The following CFAP54 variants were observed in gnomAD, a reference collection of about 807,000 sequenced individuals.
The protein encoded by CFAP54 is cilia- and flagella-associated protein 54.
CFAP54 carries 290 observed loss-of-function variants against 370.4 expected under a neutral mutation model. The ratio of observed to expected loss-of-function variants is 0.78; its 90% CI spans 0.71 to 0.86. CFAP54 has a LOEUF of 0.86. Among genes scored for constraint, CFAP54 ranks in the 40% least tolerant of loss-of-function variants. CFAP54 has a pLI of 0.00. For synonymous variants in CFAP54, 1,206 were observed against 1,236.5 expected (o/e 0.98, Z 0.52); for missense variants, 3,399 against 3,528.7 (o/e 0.96, Z 0.93).
chr12:96,764,932 A>AT (rs1958383838), intron 59 of CFAP54, 145 bp from the exon 60 acceptor site: 2 of 536,886 alleles, frequency 3.7e-6, no homozygotes, highest in Non-Finnish European at 6.0e-6. Context: ...ATCACATATT[A>AT]TTTTTTCAGG....
chr12:96,745,438 T>A (rs1401920711), intron 55 of CFAP54, among the ~76,000 whole-genome samples: 1 of 152,232 alleles, frequency 6.6e-6, no homozygotes, highest in East Asian at 1.9e-4. Flanking sequence ...TAATGATCAG[T>A]GATGTTGAGC....
At chr12:96,821,221 A>T (rs1394602984) in intron 65 of CFAP54, among the ~76,000 whole-genome samples, 1 of 152,188 alleles carries the variant, frequency 6.6e-6, no homozygotes, top group Non-Finnish European at 1.5e-5. Context: ...GTAGGTATCA[A>T]ATTCATCAAA....
At chr12:96,631,761 GATTT>G (rs1165007844) in intron 32 of CFAP54, among the ~76,000 whole-genome samples, 3 of 149,390 alleles carry the variant, frequency 2.0e-5, no homozygotes, top group African/African-American at 7.4e-5. Flanking sequence ...TTTTTTAAAT[GATTT>G]ATTCAGTCTC....
At chr12:96,587,308 G>A (rs566391371) in intron 22 of CFAP54, among the ~76,000 whole-genome samples, 2 of 152,146 alleles carry the variant, frequency 1.3e-5, no homozygotes, top group South Asian at 2.1e-4. Flanking sequence ...GAAAAGAGGA[G>A]CAGTTCACAG....
chr12:96,820,875 T>G (rs1223707485), intron 65 of CFAP54, among the ~76,000 whole-genome samples: 1 of 152,236 alleles, frequency 6.6e-6, no homozygotes, highest in African/African-American at 2.4e-5. Context: ...TTTACCATAT[T>G]GCTGTTTTTG....
chr12:96,569,126 C>CA (rs1444312049), intron 19 of CFAP54, among the ~76,000 whole-genome samples: 1 of 152,150 alleles, frequency 6.6e-6, no homozygotes, highest in Non-Finnish European at 1.5e-5. Context: ...ACAGAACATT[C>CA]AGTGTCTTTG....
chr12:96,494,830 G>T (rs1954930686), intron 1 of CFAP54, among the ~76,000 whole-genome samples: 1 of 151,942 alleles, frequency 6.6e-6, no homozygotes, highest in Admixed American at 6.6e-5. Flanking sequence ...GGATTCCAGT[G>T]ATTCTCCTGC....
chr12:96,777,531 T>G (rs1350585423), intron 60 of CFAP54, among the ~76,000 whole-genome samples: 3 of 152,098 alleles, frequency 2.0e-5, no homozygotes, highest in Admixed American at 6.5e-5. Context: ...GTATTTTTAG[T>G]AGAGACGGGG....
At chr12:96,530,950 G>A (rs537225275) in intron 9 of CFAP54, among the ~76,000 whole-genome samples, 15 of 152,226 alleles carry the variant, frequency 9.9e-5, no homozygotes, top group African/African-American at 3.6e-4. Context: ...AGTTTTTCAT[G>A]TGTTTATTTC....
chr12:96,764,905 T>C (rs1157068855), intron 59 of CFAP54, among the ~76,000 whole-genome samples, 172 bp from the exon 60 acceptor site: 1 of 152,258 alleles, frequency 6.6e-6, no homozygotes, highest in East Asian at 1.9e-4. Context: ...GACTATGATA[T>C]ATTCTACATA....
intron 39 of CFAP54, among the ~76,000 whole-genome samples, chr12:96,678,365 C>CCT (rs1957234132): frequency 6.6e-6 from 1 of 152,166 alleles, no homozygotes; most frequent in Non-Finnish European, 1.5e-5. Flanking sequence ...ATTTCCCCTG[C>CCT]CTCAGCCTCT....
chr12:96,767,979 C>T (rs777567647), intron 60 of CFAP54, among the ~76,000 whole-genome samples: 7 of 151,952 alleles, frequency 4.6e-5, no homozygotes, highest in Non-Finnish European at 8.8e-5. Flanking sequence ...CTTCCATGAG[C>T]TTCTAGTCAT....
chr12:96,854,565 ATAAG>A (rs936262263), intron 66 of CFAP54, among the ~76,000 whole-genome samples: 17 of 152,230 alleles, frequency 1.1e-4, no homozygotes, highest in African/African-American at 3.9e-4. Flanking sequence ...ATATATATAA[ATAAG>A]CAAGCATGTA....
At chr12:96,850,282 G>C (rs533877566) in intron 66 of CFAP54, among the ~76,000 whole-genome samples, 1 of 151,962 alleles carries the variant, frequency 6.6e-6, no homozygotes, top group South Asian at 2.1e-4. Context: ...CCTCCCAGGA[G>C]GTGGAGGTTG....
chr12:96,755,957 C>T (rs575205681), intron 56 of CFAP54, among the ~76,000 whole-genome samples: 5 of 152,194 alleles, frequency 3.3e-5, no homozygotes, highest in South Asian at 2.1e-4. Flanking sequence ...TGAGCCACCA[C>T]GGCCAGCCAT....
chr12:96,640,666 C>T (rs1177738534), intron 32 of CFAP54, among the ~76,000 whole-genome samples: 1 of 152,198 alleles, frequency 6.6e-6, no homozygotes, highest in African/African-American at 2.4e-5. Flanking sequence ...CTCTACCTGA[C>T]TTCAAACTAT....
chr12:96,781,436 A>G (rs1453555022), intron 60 of CFAP54, among the ~76,000 whole-genome samples: 2 of 152,150 alleles, frequency 1.3e-5, no homozygotes, highest in African/African-American at 4.8e-5. Flanking sequence ...ACCCTTAGTG[A>G]AAGTAATTTG....
intron 22 of CFAP54, among the ~76,000 whole-genome samples, chr12:96,588,452 T>C (rs1956093361): frequency 6.6e-6 from 1 of 152,220 alleles, no homozygotes; most frequent in Admixed American, 6.5e-5. Flanking sequence ...CTAATTCCAG[T>C]TTCATAGAGT....
At chr12:96,784,638 C>CT in intron 60 of CFAP54, 79 bp from the exon 61 acceptor site, 1 of 1,104,044 alleles carries the variant, frequency 9.1e-7, no homozygotes, top group Non-Finnish European at 1.2e-6. Context: ...ATGAGCTGTG[C>CT]TTTTTTTCTG....
Sources: gnomAD v4.1 joint callset for allele counts (sites outside exome capture counted in the v4.1 genomes callset) on GRCh38, gnomAD v4.1.1 for gene constraint, MANE v1.5 for transcripts, NCBI Gene and HGNC (gene_info 2026-07-23, HGNC 2026-07-21) for gene names.